The following NSMCE2 variants were observed in gnomAD, a reference collection of about 807,000 sequenced individuals.
NSMCE2 encodes E3 SUMO-protein ligase NSE2.
A neutral mutation model predicts 23.8 loss-of-function variants in NSMCE2; 24 were observed. The ratio of observed to expected loss-of-function variants is 1.01; its 90% CI spans 0.73 to 1.42. NSMCE2 has a LOEUF of 1.42. NSMCE2 is among the 40% of genes most tolerant of loss of function. The probability of loss-of-function intolerance (pLI) is 0.00; values close to 1 mark genes in which losing one functional copy is unlikely to be tolerated. For missense variants in NSMCE2, 284 were observed against 296.5 expected (o/e 0.96, Z 0.31); for synonymous variants, 92 against 94.1 (o/e 0.98, Z 0.13).
chr8:125,318,488 G>A (rs533960285), intron 5 of NSMCE2, among the ~76,000 whole-genome samples: 1 of 152,208 alleles, frequency 6.6e-6, no homozygotes, highest in South Asian at 2.1e-4. Context: ...TCTATATATG[G>A]GGAAGTAGCC....
At chr8:125,151,845 T>C (rs1237691011) in intron 4 of NSMCE2, among the ~76,000 whole-genome samples, 1 of 152,186 alleles carries the variant, frequency 6.6e-6, no homozygotes, top group East Asian at 1.9e-4. Flanking sequence ...TCAGTAGTAC[T>C]GTGTTGAGTA....
chr8:125,094,911 T>G (rs1817854396), intron 1 of NSMCE2, among the ~76,000 whole-genome samples: 1 of 152,182 alleles, frequency 6.6e-6, no homozygotes, highest in Non-Finnish European at 1.5e-5. Context: ...TGGAGTGCAG[T>G]GGCGTGATCA....
chr8:125,131,626 AT>A (rs1422027680), intron 3 of NSMCE2, among the ~76,000 whole-genome samples: 1 of 152,096 alleles, frequency 6.6e-6, no homozygotes, highest in Non-Finnish European at 1.5e-5. Context: ...ATGCTTGGAG[AT>A]TGTAAGTACT....
intron 5 of NSMCE2, among the ~76,000 whole-genome samples, chr8:125,298,687 G>GTTTTTGT (rs370681920): frequency 2.3e-5 from 2 of 85,954 alleles, no homozygotes. Flanking sequence ...TCATCTGTGG[G>GTTTTTGT]TTTTTTTTTG....
intron 4 of NSMCE2, among the ~76,000 whole-genome samples, chr8:125,170,376 CTTTTTTTTTTTTTTTTTTTTTTTTTT>C (rs565593006): frequency 7.9e-5 from 3 of 37,836 alleles, no homozygotes; most frequent in Non-Finnish European, 1.0e-4. Context: ...CTCTTTATTT[CTTTTTTTTTTTTTTTTTTTTTTTTTT>C]TTTTTTTTTT....
chr8:125,183,635 G>GTA (rs1491400431), intron 5 of NSMCE2, among the ~76,000 whole-genome samples: 1 of 68,196 alleles, frequency 1.5e-5, no homozygotes. Context: ...TTACTCAGTG[G>GTA]TGTGTGTGTG....
intron 5 of NSMCE2, among the ~76,000 whole-genome samples, chr8:125,312,262 A>G (rs575660961): frequency 6.6e-6 from 1 of 152,312 alleles, no homozygotes; most frequent in South Asian, 2.1e-4. Context: ...TTAACATTTC[A>G]GATGCTTAGA....
chr8:125,363,224 C>G (rs1813632437), intron 7 of NSMCE2: 1 of 152,160 alleles, frequency 6.6e-6, no homozygotes, highest in African/African-American at 2.4e-5. Context: ...CATAATTCAC[C>G]AGGCACGGTG....
chr8:125,162,195 C>T (rs750954873), intron 4 of NSMCE2, among the ~76,000 whole-genome samples: 4 of 152,142 alleles, frequency 2.6e-5, no homozygotes, highest in Non-Finnish European at 4.4e-5. Context: ...TGAAAAGCTG[C>T]AGCAATACTT....
intron 5 of NSMCE2, among the ~76,000 whole-genome samples, chr8:125,193,296 A>G (rs1277384015): frequency 1.3e-5 from 2 of 152,250 alleles, no homozygotes; most frequent in African/African-American, 4.8e-5. Context: ...AGGACAAAAT[A>G]TTCACAAAAC....
intron 5 of NSMCE2, among the ~76,000 whole-genome samples, chr8:125,245,056 CA>C (rs1421285667): frequency 6.6e-6 from 1 of 152,128 alleles, no homozygotes; most frequent in Non-Finnish European, 1.5e-5. Flanking sequence ...GCCAAGGCAG[CA>C]GATCACCTGA....
At chr8:125,227,076 G>A (rs75740827) in intron 5 of NSMCE2, among the ~76,000 whole-genome samples, 1,905 of 152,180 alleles carry the variant, frequency 0.013, 49 homozygotes, top group African/African-American at 0.043. Context: ...GCCACTCAGG[G>A]TCTGTATTAG....
intron 5 of NSMCE2, among the ~76,000 whole-genome samples, chr8:125,309,248 CAAAAAAA>C (rs111355815): frequency 6.1e-4 from 40 of 65,536 alleles, no homozygotes; most frequent in Admixed American, 2.9e-3. Flanking sequence ...AACTCTGTCT[CAAAAAAA>C]AAAAAAAAAA....
At chr8:125,357,153 C>T (rs1489260517) in intron 5 of NSMCE2, 66 bp from the exon 6 acceptor site, 17 of 1,067,662 alleles carry the variant, frequency 1.6e-5, no homozygotes, top group Non-Finnish European at 2.5e-5. Flanking sequence ...ACCTCCCTTC[C>T]TTCCATTCCT....
At chr8:125,209,158 G>T (rs1824231827) in intron 5 of NSMCE2, among the ~76,000 whole-genome samples, 1 of 152,068 alleles carries the variant, frequency 6.6e-6, no homozygotes, top group African/African-American at 2.4e-5. Context: ...GGAAGACTGA[G>T]TAAAGAATGG....
intron 5 of NSMCE2, among the ~76,000 whole-genome samples, chr8:125,261,545 A>G (rs1826691343): frequency 6.6e-6 from 1 of 152,150 alleles, no homozygotes; most frequent in African/African-American, 2.4e-5. Flanking sequence ...AGGCATTTTA[A>G]TAAAACTCTA....
chr8:125,181,910 A>C (rs1029246208), intron 4 of NSMCE2, among the ~76,000 whole-genome samples, 193 bp from the exon 5 acceptor site: 3 of 152,172 alleles, frequency 2.0e-5, no homozygotes, highest in Non-Finnish European at 2.9e-5. Context: ...GTTGGCATGA[A>C]TGAGTCCCTT....
chr8:125,360,490 C>G (rs1429550243), intron 7 of NSMCE2, among the ~76,000 whole-genome samples: 2 of 152,154 alleles, frequency 1.3e-5, no homozygotes, highest in Non-Finnish European at 2.9e-5. Context: ...CTGGTGCCAA[C>G]CCTCAAAAAA....
intron 5 of NSMCE2, among the ~76,000 whole-genome samples, chr8:125,268,086 T>A (rs1362354185): frequency 6.7e-6 from 1 of 148,500 alleles, no homozygotes; most frequent in Non-Finnish European, 1.5e-5. Context: ...AAAAAAAAAA[T>A]TAACTGGGCA....
Sources: allele counts gnomAD v4.1 joint callset (sites outside exome capture counted in the v4.1 genomes callset), GRCh38; gene constraint gnomAD v4.1.1; transcripts MANE v1.5; gene names NCBI Gene and HGNC (gene_info 2026-07-23, HGNC 2026-07-21).